Variants in NT5M observed in about 807,000 individuals in gnomAD.
NT5M encodes the protein 5'(3')-deoxyribonucleotidase, mitochondrial.
NT5M carries 22 observed loss-of-function variants against 22.2 expected under a neutral mutation model. The observed-to-expected ratio is 0.99, with a 90% confidence interval of 0.71 to 1.41. NT5M has a LOEUF of 1.41. Among genes scored for constraint, NT5M ranks in the 40% most tolerant of loss-of-function variants. NT5M has a pLI of 0.00. For synonymous variants in NT5M, 167 were observed against 133.0 expected (o/e 1.26, Z -1.76); for missense variants, 322 against 314.8 (o/e 1.02, Z -0.17).
At chr17:17,343,674 G>A (rs538701957) in intron 3 of NT5M, among the ~76,000 whole-genome samples, 3 of 152,282 alleles carry the variant, frequency 2.0e-5, no homozygotes, top group African/African-American at 7.2e-5. Flanking sequence ...AGCTCCCTGT[G>A]CAGCCTGGGC....
intron 3 of NT5M, among the ~76,000 whole-genome samples, chr17:17,343,893 G>T (rs2049700685): frequency 6.6e-6 from 1 of 152,212 alleles, no homozygotes; most frequent in South Asian, 2.1e-4. Flanking sequence ...GAGCTGGGCA[G>T]GGCTCAGTTA....
chr17:17,318,452 G>A (rs1449934806), intron 2 of NT5M, among the ~76,000 whole-genome samples: 1 of 130,398 alleles, frequency 7.7e-6, no homozygotes, highest in East Asian at 2.5e-4. Context: ...CTGAACTCCA[G>A]CCTGGGTAAC....
intron 4 of NT5M, among the ~76,000 whole-genome samples, chr17:17,345,784 C>A (rs1437812713): frequency 6.6e-6 from 1 of 152,162 alleles, no homozygotes; most frequent in African/African-American, 2.4e-5. Flanking sequence ...GCATTCCAGT[C>A]TGGGTGACAG....
chr17:17,335,746 C>A (rs957755064), intron 3 of NT5M, among the ~76,000 whole-genome samples: 2 of 151,452 alleles, frequency 1.3e-5, no homozygotes, highest in Non-Finnish European at 1.5e-5. Flanking sequence ...AGTTCTCTTG[C>A]CTCAGCCTCC....
rs749945180 is a variant in NT5M at position 17,344,916 on chromosome 17, G to A, written c.544+8G>A. ...ACCGGCCGGACATCACAGGCAAGTG[G>A]CCTGCGACAGGTGAGGAGCACGTGG... On this transcript the variant is annotated splice_region_variant and intron_variant, in intron 4 of 4. Transcript: ENST00000389022. The A allele has an allele frequency of 6.2e-7, 1 of 1,614,070 alleles. No homozygotes were observed. The highest frequency in any genetic ancestry group is 1.1e-5 in the South Asian group (1 of 91,088).
At chr17:17,317,118 C>T (rs1319185893) in intron 2 of NT5M, among the ~76,000 whole-genome samples, 1 of 149,184 alleles carries the variant, frequency 6.7e-6, no homozygotes, top group African/African-American at 2.5e-5. Context: ...GGCATGATCT[C>T]GGCTCACTGC....
intron 3 of NT5M, among the ~76,000 whole-genome samples, chr17:17,342,511 A>G (rs1376836830): frequency 6.6e-6 from 1 of 152,132 alleles, no homozygotes; most frequent in Non-Finnish European, 1.5e-5. Flanking sequence ...ATTTGATTTC[A>G]TATCTTACAA....
At chr17:17,305,131 G>A (rs1177933565) in intron 1 of NT5M, among the ~76,000 whole-genome samples, 2 of 152,074 alleles carry the variant, frequency 1.3e-5, no homozygotes, top group African/African-American at 4.8e-5. Flanking sequence ...ATATCCGCCC[G>A]GGAGTGTATT....
chr17:17,303,857 C>T (rs1042084116), intron 1 of NT5M, 40 bp downstream of exon 1: 6 of 1,339,174 alleles, frequency 4.5e-6, no homozygotes, highest in Non-Finnish European at 5.8e-6. Context: ...GCCTCCTTCT[C>T]GCCCCGAGCC....
chr17:17,341,423 A>C (rs1197566652), intron 3 of NT5M, among the ~76,000 whole-genome samples: 1 of 152,098 alleles, frequency 6.6e-6, no homozygotes, highest in Admixed American at 6.5e-5. Context: ...TCAGAACCAG[A>C]CTTAGGGCCT....
At position 17,303,750 on chromosome 17, in the gene NT5M, T is replaced by C. The variant is rs748124592; in HGVS notation, c.200T>C (p.Ile67Thr). Residue 67 changes from isoleucine to threonine, a missense_variant, in exon 1 of 5, where the codon ATC becomes ACC. Physicochemically the swap from Ile to Thr is moderately conservative, Grantham distance 89. Coordinates refer to ENST00000389022, the MANE Select transcript of NT5M (RefSeq NM_020201.4). ...FRARFPDQPF[I>T]ALEDRRGFWV... is the part of the protein sequence containing the mutation. Reference sequence around the variant, plus strand: ...GCGCGCTTTCCCGACCAGCCCTTCATCGCGCTGGAGGACCGGCGCGGCTTC... The same window carrying C: ...GCGCGCTTTCCCGACCAGCCCTTCACCGCGCTGGAGGACCGGCGCGGCTTC... The C allele has an allele frequency of 1.9e-6, 3 of 1,589,474 alleles. No individual in the cohort carries two copies. The highest frequency in any genetic ancestry group is 2.3e-5 in the South Asian group (2 of 87,992).
chr17:17,312,056 C>G (rs952196392), intron 2 of NT5M, among the ~76,000 whole-genome samples: 4 of 152,202 alleles, frequency 2.6e-5, no homozygotes, highest in Non-Finnish European at 5.9e-5. Flanking sequence ...ATCTCATTCC[C>G]AGATGTCAGG....
chr17:17,316,369 T>TTTTG (rs1567884968), intron 2 of NT5M, among the ~76,000 whole-genome samples: 2 of 146,904 alleles, frequency 1.4e-5, no homozygotes, highest in East Asian at 4.2e-4. Flanking sequence ...TAACTTAGGT[T>TTTTG]TTTATTTATT....
chr17:17,314,174 C>T (rs2048976222), intron 2 of NT5M, among the ~76,000 whole-genome samples: 1 of 151,918 alleles, frequency 6.6e-6, no homozygotes, highest in South Asian at 2.1e-4. Flanking sequence ...CCTGGGATTA[C>T]GGGCGCCCGC....
chr17:17,306,892 G>A (rs1310549194), intron 2 of NT5M, among the ~76,000 whole-genome samples: 1 of 152,198 alleles, frequency 6.6e-6, no homozygotes, highest in Non-Finnish European at 1.5e-5. Context: ...GGTTCCCTGG[G>A]TGTTCAAAGC....
chr17:17,304,411 C>T (rs974575909), intron 1 of NT5M: 94 of 985,274 alleles, frequency 9.5e-5, no homozygotes, highest in East Asian at 1.1e-4. Context: ...ATCCGACTCC[C>T]GAGGTGTTCT....
At chr17:17,308,307 A>C (rs539680914) in intron 2 of NT5M, among the ~76,000 whole-genome samples, 3 of 152,206 alleles carry the variant, frequency 2.0e-5, no homozygotes, top group Admixed American at 2.0e-4. Flanking sequence ...TAATAATGAC[A>C]TACCAGCTGG....
intron 2 of NT5M, among the ~76,000 whole-genome samples, chr17:17,319,063 T>C (rs1256352900): frequency 6.6e-6 from 1 of 151,658 alleles, no homozygotes; most frequent in Non-Finnish European, 1.5e-5. Context: ...ATACAAAAAT[T>C]AGCTGAGCGT....
At chr17:17,340,710 A>G (rs1748459524) in intron 3 of NT5M, among the ~76,000 whole-genome samples, 1 of 151,720 alleles carries the variant, frequency 6.6e-6, no homozygotes, top group Admixed American at 6.6e-5. Flanking sequence ...TTTTTTTAGT[A>G]GAGATGGGGT....
Sources: allele counts gnomAD v4.1 joint callset (sites outside exome capture counted in the v4.1 genomes callset), GRCh38; gene constraint gnomAD v4.1.1; transcripts MANE v1.5; gene names NCBI Gene and HGNC (gene_info 2026-07-23, HGNC 2026-07-21).